The following MACROD2 variants were observed in gnomAD, a reference collection of about 807,000 sequenced individuals.
MACROD2 encodes the protein mono-ADP ribosylhydrolase 2, also known as ADP-ribose glycohydrolase MACROD2.
Under a neutral mutation model 70.4 loss-of-function variants are expected in MACROD2, and 36 were observed. The ratio of observed to expected loss-of-function variants is 0.51; its 90% confidence interval spans 0.39 to 0.68. The LOEUF (loss-of-function observed/expected upper bound fraction) is 0.68. MACROD2 is among the 30% of genes least tolerant of loss of function. The probability of loss-of-function intolerance (pLI) is 0.00; values close to 1 mark genes in which losing one functional copy is unlikely to be tolerated. For missense variants in MACROD2, 496 were observed against 538.4 expected (o/e 0.92, Z 0.78); for synonymous variants, 172 against 178.8 (o/e 0.96, Z 0.30).
chr20:16,016,547 TTTTG>T (rs2066931350), intron 15 of MACROD2, among the ~76,000 whole-genome samples: 1 of 152,284 alleles, frequency 6.6e-6, no homozygotes, highest in African/African-American at 2.4e-5. Context: ...TGAGGGGTTT[TTTTG>T]TTTGTTTTTG....
rs189778612 is a variant in MACROD2, at chr20:14,099,062, G to A, written c.271+13334G>A. 2.6e-5 allele frequency among the ~76,000 whole-genome samples: 4 copies of A among 152,184 alleles called. No homozygotes were observed. In the East Asian group the frequency reaches 5.8e-4, roughly 22 times the overall value. On this transcript the variant is annotated intron_variant, in intron 3 of 17. Coordinates refer to ENST00000684519, the MANE Select transcript of MACROD2 (RefSeq NM_001351661.2). ...TGGGAGGCCGAGGCAGGTGGTTCAC[G>A]AGGTCAGGAGTTCAAGACCAGCCTA...
At chr20:14,413,665 A>G (rs2083772947) in intron 3 of MACROD2, among the ~76,000 whole-genome samples, 1 of 152,196 alleles carries the variant, frequency 6.6e-6, no homozygotes. Context: ...TCATGTGGCA[A>G]TGATGTTTGC....
chr20:14,299,579 A>G (rs968037832), intron 3 of MACROD2, among the ~76,000 whole-genome samples: 4 of 152,172 alleles, frequency 2.6e-5, no homozygotes, highest in Non-Finnish European at 5.9e-5. Context: ...TTAGTTGATA[A>G]AGCAGTGGTA....
intron 5 of MACROD2, among the ~76,000 whole-genome samples, chr20:14,968,251 A>G (rs1056561342): frequency 6.6e-5 from 10 of 152,176 alleles, no homozygotes; most frequent in Non-Finnish European, 1.5e-4. Flanking sequence ...ATGAAGTAAA[A>G]TAAACAAGAT....
chr20:15,722,727 A>G (rs1025123510), intron 8 of MACROD2, among the ~76,000 whole-genome samples: 2 of 151,960 alleles, frequency 1.3e-5, no homozygotes, highest in Non-Finnish European at 2.9e-5. Flanking sequence ...GAATTTTATA[A>G]TTTTAATAAA....
chr20:14,806,364 C>T lies in MACROD2; in HGVS notation c.418+121405C>T, dbSNP rs145393040. Among the ~76,000 whole-genome samples the T allele has an allele frequency of 5.3e-5, 8 of 152,186 alleles. No individual in the cohort carries two copies. The East Asian group carries it at 1.4e-3, about 26-fold the overall frequency. On this transcript the variant is annotated intron_variant, in intron 5 of 17. Coordinates refer to ENST00000684519, the MANE Select transcript of MACROD2 (RefSeq NM_001351661.2). The stretch of plus-strand genomic sequence containing the variant: ...GAAGCACAAGGGGTTGGGGAACTCT[C>T]TCCTCTAGCCAAGGGAAGTCTTGAG...
chr20:14,884,472 C>G (rs193038668), intron 5 of MACROD2: 1 of 152,020 alleles, frequency 6.6e-6, no homozygotes, highest in Non-Finnish European at 1.5e-5. Flanking sequence ...TTCTTTGGAT[C>G]CAAGATACCA....
intron 3 of MACROD2, 21 bp from the exon 4 acceptor site, chr20:14,493,458 G>T: frequency 6.2e-7 from 1 of 1,600,026 alleles, no homozygotes; most frequent in Non-Finnish European, 8.6e-7. Context: ...AATGTCTTTT[G>T]TTGTGTTTTG....
chr20:15,744,012 A>C (rs1213540422), intron 8 of MACROD2, among the ~76,000 whole-genome samples: 1 of 152,164 alleles, frequency 6.6e-6, no homozygotes, highest in Non-Finnish European at 1.5e-5. Flanking sequence ...GCCAATTGAC[A>C]ACCCCCTTCT....
chr20:15,976,984 AGGCTCTATTAAAT>A (rs1274033445), intron 13 of MACROD2, among the ~76,000 whole-genome samples: 3 of 152,200 alleles, frequency 2.0e-5, no homozygotes, highest in Non-Finnish European at 4.4e-5. Context: ...GCAGTGCCCC[AGGCTCTATTAAAT>A]GGGGACCTGC....
At chr20:15,357,668 G>A (rs959701283) in intron 6 of MACROD2, among the ~76,000 whole-genome samples, 20 of 152,068 alleles carry the variant, frequency 1.3e-4, no homozygotes, top group African/African-American at 4.6e-4. Context: ...TTCTTAGAAT[G>A]TAATACATAC....
At chr20:15,261,156 C>A (rs2077245981) in intron 6 of MACROD2, among the ~76,000 whole-genome samples, 1 of 151,876 alleles carries the variant, frequency 6.6e-6, no homozygotes, top group African/African-American at 2.4e-5. Flanking sequence ...TTATACACAG[C>A]ATTTATTTTA....
chr20:15,083,362 A>G (rs547203635), intron 5 of MACROD2, among the ~76,000 whole-genome samples: 37 of 152,254 alleles, frequency 2.4e-4, no homozygotes, highest in African/African-American at 8.7e-4. Flanking sequence ...AAAACCAATC[A>G]TTCCCTATTT....
At chr20:15,559,144 G>A (rs960301078) in intron 8 of MACROD2, among the ~76,000 whole-genome samples, 4 of 149,940 alleles carry the variant, frequency 2.7e-5, no homozygotes, top group Non-Finnish European at 4.4e-5. Context: ...GGAGAATGGC[G>A]TGAACCCGGG....
At chr20:16,010,709 G>T (rs1019799631) in intron 15 of MACROD2, among the ~76,000 whole-genome samples, 1 of 152,126 alleles carries the variant, frequency 6.6e-6, no homozygotes, top group Non-Finnish European at 1.5e-5. Flanking sequence ...GTCTGTTTGG[G>T]AGACAGCATC....
Position 14,253,858 on chromosome 20 carries a change from T to G in MACROD2, c.271+168130T>G, listed in dbSNP as rs192453895. Among the ~76,000 whole-genome samples the G allele has an allele frequency of 1.1e-4, 16 of 152,240 alleles. No individual in the cohort carries two copies. The East Asian group carries it at 2.7e-3, about 26-fold the overall frequency. On this transcript the variant is annotated intron_variant, in intron 3 of 17. Transcript: ENST00000684519. ...CTGTGAGATACAGACGTGCATTTATTTGTTTCATATGCCCCTCACTTTTTC... is the reference window on the plus strand; with the variant it reads ...CTGTGAGATACAGACGTGCATTTATGTGTTTCATATGCCCCTCACTTTTTC...
Position 15,933,204 on chromosome 20 carries a change from C to A in MACROD2, c.776-72C>A, listed in dbSNP as rs191185823. The stretch of plus-strand genomic sequence containing the variant: ...TTGGTTACAATTAATTTCAGTGCTG[C>A]ATATTAGCCGTAAAGAGATATTTCA... On this transcript the variant is annotated intron_variant, in intron 10 of 17. Coordinates refer to ENST00000684519, the MANE Select transcript of MACROD2 (RefSeq NM_001351661.2). 471 of 1,413,536 alleles carry A rather than the reference C, an allele frequency of 3.3e-4. No homozygotes were observed. In the East Asian group the frequency reaches 4.0e-3, roughly 12 times the overall value. 87.6% of individuals were successfully genotyped at this position (1,413,536 alleles called of 1,614,324 possible).
At chr20:14,468,846 T>C (rs1331678093) in intron 3 of MACROD2, among the ~76,000 whole-genome samples, 2 of 152,040 alleles carry the variant, frequency 1.3e-5, no homozygotes, top group East Asian at 3.9e-4. Flanking sequence ...ATTACATGGG[T>C]CTCCTGAATA....
chr20:14,826,750 A>T (rs989553702), intron 5 of MACROD2, among the ~76,000 whole-genome samples: 1 of 152,140 alleles, frequency 6.6e-6, no homozygotes, highest in Non-Finnish European at 1.5e-5. Context: ...CTCCAGTCGA[A>T]GTATTCACGG....
Sources: allele counts gnomAD v4.1 joint callset (sites outside exome capture counted in the v4.1 genomes callset), GRCh38; gene constraint gnomAD v4.1.1; transcripts MANE v1.5; gene names NCBI Gene and HGNC (gene_info 2026-07-23, HGNC 2026-07-21).